The following PKN2 variants were observed in gnomAD, a reference collection of about 807,000 sequenced individuals.
PKN2 encodes the protein serine/threonine-protein kinase N2.
Under a neutral mutation model 119.1 loss-of-function variants are expected in PKN2, and 38 were observed. The ratio of observed to expected loss-of-function variants is 0.32; its 90% CI spans 0.25 to 0.42. PKN2 has a LOEUF of 0.42. Among genes scored for constraint, PKN2 ranks in the 10% least tolerant of loss-of-function variants. PKN2 has a pLI of 1.00. For synonymous variants in PKN2, 390 were observed against 384.9 expected (o/e 1.01, Z -0.15); for missense variants, 850 against 1,165.1 (o/e 0.73, Z 3.94).
At chr1:88,751,310 GAC>G (rs752744203) in intron 2 of PKN2, among the ~76,000 whole-genome samples, 7 of 151,544 alleles carry the variant, frequency 4.6e-5, no homozygotes, top group African/African-American at 1.2e-4. Context: ...GGTATGTGTA[GAC>G]ACACATACAT....
intron 8 of PKN2, among the ~76,000 whole-genome samples, chr1:88,792,478 A>T (rs576386635): frequency 6.6e-6 from 1 of 152,258 alleles, no homozygotes; most frequent in East Asian, 1.9e-4. Context: ...TGAGACTATG[A>T]GCTGTATAGT....
At chr1:88,734,381 T>G (rs1668259469) in intron 1 of PKN2, among the ~76,000 whole-genome samples, 1 of 152,190 alleles carries the variant, frequency 6.6e-6, no homozygotes, top group South Asian at 2.1e-4. Flanking sequence ...AGTTGAGTTT[T>G]GTCTGTGGTG....
At chr1:88,781,849 A>G (rs1243536231) in intron 6 of PKN2, among the ~76,000 whole-genome samples, 1 of 152,152 alleles carries the variant, frequency 6.6e-6, no homozygotes, top group East Asian at 1.9e-4. Context: ...CAACAAAACA[A>G]ATAAGAAACA....
chr1:88,833,381 C>T lies in PKN2; in HGVS notation c.2888C>T (p.Pro963Leu), dbSNP rs1292289982. 8 of 1,613,268 alleles carry T rather than the reference C, an allele frequency of 5.0e-6. No individual in the cohort carries two copies. Among genetic ancestry groups the T allele is most frequent in the Non-Finnish European group, 6.8e-6 (8 of 1,179,498 alleles). ...EAPILTPPRE[P>L]RILSEEEQEM... ...CCTATTCTGACTCCACCTCGAGAACCAAGGATACTTTCGGAAGAGGAGCAG... is the reference window on the plus strand; with the variant it reads ...CCTATTCTGACTCCACCTCGAGAACTAAGGATACTTTCGGAAGAGGAGCAG... Residue 963 changes from proline to leucine, a missense_variant, in exon 22 of 22, where the codon CCA (proline) becomes CTA (leucine). Pro to Leu is a moderately conservative substitution (Grantham distance 98). Transcript: ENST00000370521.
intron 1 of PKN2, among the ~76,000 whole-genome samples, chr1:88,688,516 G>T (rs1330480637): frequency 2.0e-5 from 3 of 152,146 alleles, no homozygotes. Flanking sequence ...TACACTACTT[G>T]TTAGCTCCGT....
intron 16 of PKN2, among the ~76,000 whole-genome samples, chr1:88,819,886 T>C (rs1414340117): frequency 1.3e-5 from 2 of 151,680 alleles, no homozygotes; most frequent in African/African-American, 2.4e-5. Context: ...AAACCATCAT[T>C]CTTAGCAAAC....
chr1:88,813,563 G>A lies in PKN2; in HGVS notation c.2109G>A (p.Met703Ile), dbSNP rs770578016. 10 of 1,578,714 alleles carry A rather than the reference G, an allele frequency of 6.3e-6. No individual in the cohort carries two copies. Among genetic ancestry groups the A allele is most frequent in the Non-Finnish European group, 4.3e-6 (5 of 1,161,172 alleles). Residue 703 changes from methionine to isoleucine, a missense_variant, in exon 16 of 22, where the codon ATG becomes ATA. Met to Ile is a conservative substitution (Grantham distance 10). Coordinates refer to ENST00000370521, the MANE Select transcript of PKN2 (RefSeq NM_006256.4). Reference protein sequence around the residue: ...IVARDEVDSLMCEKRIFETVN... With the variant: ...IVARDEVDSLICEKRIFETVN... ...AAAATATTTTCTTTTACAGCCTGAT[G>A]TGTGAAAAAAGAATTTTTGAAACTG...
In PKN2 at chr1:88,760,358, T is replaced by C. The variant is rs775770433; in HGVS notation, c.486T>C (p.Tyr162=). Reference sequence around the variant, plus strand: ...GTGCAGAGAATATGATACAGATGTATTCAAATGGATCTTCAAAGGTAAGTG... The same window carrying C: ...GTGCAGAGAATATGATACAGATGTACTCAAATGGATCTTCAAAGGTAAGTG... ...KQGAENMIQM[Y]SNGSSKDRKL... is the part of the protein sequence containing the mutation. Residue 162 remains tyrosine (Y), a synonymous_variant, in exon 3 of 22, where the codon TAT becomes TAC. Coordinates refer to ENST00000370521, the MANE Select transcript of PKN2 (RefSeq NM_006256.4). 1.9e-5 allele frequency: 29 copies of C among 1,535,850 alleles called. No individual in the cohort carries two copies. The highest frequency in any genetic ancestry group is 2.5e-5 in the Non-Finnish European group (28 of 1,124,094).
At chr1:88,828,363 T>G in intron 18 of PKN2, 118 bp from the exon 19 acceptor site, 1 of 760,168 alleles carries the variant, frequency 1.3e-6, no homozygotes, top group Non-Finnish European at 2.1e-6. Flanking sequence ...ATGTCTGAAT[T>G]TGTTCACCAT....
chr1:88,742,678 A>G (rs1221189447), intron 2 of PKN2, among the ~76,000 whole-genome samples: 3 of 152,056 alleles, frequency 2.0e-5, no homozygotes, highest in Non-Finnish European at 4.4e-5. Flanking sequence ...AAACTTAGAA[A>G]TAGCCTGTTC....
At chr1:88,776,742 G>GAA (rs370217141) in intron 6 of PKN2, among the ~76,000 whole-genome samples, 1 of 141,956 alleles carries the variant, frequency 7.0e-6, no homozygotes. Flanking sequence ...TCTGTCTTAA[G>GAA]AAAAAAAAAA....
At chr1:88,707,930 C>G (rs1363720478) in intron 1 of PKN2, among the ~76,000 whole-genome samples, 2 of 152,050 alleles carry the variant, frequency 1.3e-5, no homozygotes, top group South Asian at 4.2e-4. Flanking sequence ...GTTCTTGGGT[C>G]TATAGTTGTT....
At chr1:88,781,629 C>T (rs1356516175) in intron 6 of PKN2, among the ~76,000 whole-genome samples, 1 of 152,034 alleles carries the variant, frequency 6.6e-6, no homozygotes, top group African/African-American at 2.4e-5. Flanking sequence ...AAAGAAACTT[C>T]TAGATGTTTA....
At chr1:88,785,695 G>A (rs955791387) in intron 7 of PKN2, among the ~76,000 whole-genome samples, 4 of 152,164 alleles carry the variant, frequency 2.6e-5, no homozygotes, top group African/African-American at 7.2e-5. Flanking sequence ...AAGTGAATTT[G>A]CCTGTGCTTT....
chr1:88,829,147 A>G, intron 19 of PKN2: 1 of 739,550 alleles, frequency 1.4e-6, no homozygotes, highest in Non-Finnish European at 2.6e-6. Flanking sequence ...GAAGGCCCTG[A>G]TGCCATGTAT....
chr1:88,805,705 A>G (rs1280851829), intron 11 of PKN2, 34 bp downstream of exon 11: 1 of 1,609,866 alleles, frequency 6.2e-7, no homozygotes, highest in Admixed American at 1.7e-5. Flanking sequence ...TCTCTTATAC[A>G]AAGTTATTGG....
chr1:88,822,240 T>G (rs1672323420), intron 17 of PKN2, among the ~76,000 whole-genome samples: 1 of 152,222 alleles, frequency 6.6e-6, no homozygotes, highest in South Asian at 2.1e-4. Context: ...TGAGTTGGTC[T>G]ATGATAGTGC....
intron 1 of PKN2, among the ~76,000 whole-genome samples, chr1:88,717,641 A>G (rs538178192): frequency 6.6e-6 from 1 of 152,034 alleles, no homozygotes; most frequent in East Asian, 1.9e-4. Context: ...TTACAGCTCC[A>G]TCAGGTCATT....
chr1:88,718,328 G>A (rs774588693), intron 1 of PKN2, among the ~76,000 whole-genome samples: 1 of 152,156 alleles, frequency 6.6e-6, no homozygotes, highest in Non-Finnish European at 1.5e-5. Flanking sequence ...CTCCGTCCTG[G>A]GAGAACCACT....
Sources: allele counts gnomAD v4.1 joint callset (sites outside exome capture counted in the v4.1 genomes callset), GRCh38; gene constraint gnomAD v4.1.1; transcripts MANE v1.5; gene names NCBI Gene and HGNC (gene_info 2026-07-23, HGNC 2026-07-21).